The following SFXN5 variants were observed in gnomAD, a reference collection of about 807,000 sequenced individuals.
SFXN5 encodes sideroflexin-5.
A neutral mutation model predicts 50.2 loss-of-function variants in SFXN5; 43 were observed. The observed-to-expected ratio is 0.86, with a 90% CI of 0.67 to 1.11. The LOEUF (loss-of-function observed/expected upper bound fraction) is 1.11. Ranked by LOEUF, SFXN5 falls within the 50% of genes least tolerant of loss-of-function variation. SFXN5 has a pLI of 0.00. For missense variants in SFXN5, 463 were observed against 454.1 expected, an observed-to-expected ratio of 1.02 and a Z score of -0.18; for synonymous variants, 203 against 185.8, an observed-to-expected ratio of 1.09 and a Z score of -0.75.
At chr2:72,986,482 C>T (rs1414870479) in intron 10 of SFXN5, among the ~76,000 whole-genome samples, 2 of 152,102 alleles carry the variant, frequency 1.3e-5, no homozygotes, top group Non-Finnish European at 2.9e-5. Context: ...GACCATGAGC[C>T]TGGGTCTGAC....
chr2:73,059,161 C>A (rs1682539815), intron 1 of SFXN5: 1 of 985,142 alleles, frequency 1.0e-6, no homozygotes, highest in Non-Finnish European at 1.2e-6. Context: ...GCAGCTCCCC[C>A]AACCTTGCCC....
rs1332214403 is a variant in SFXN5, at chr2:72,961,407, G to A, written c.828-159C>T. On this transcript the variant is annotated intron_variant, in intron 12 of 13. Transcript: ENST00000272433. This position sits in a 1 kb window ranked among gnomAD's most constrained non-coding sequence, Gnocchi z 4.4. ...ACAGATATAGCAGAGTTCTGTCTTT[G>A]GGACCTTTTCCCGATAGGTACCCCT... Among the ~76,000 whole-genome samples the A allele has an allele frequency of 2.6e-5, 4 of 152,190 alleles. No homozygotes were observed. Among genetic ancestry groups the A allele is most frequent in the Non-Finnish European group, 5.9e-5 (4 of 68,034 alleles).
In SFXN5 at chr2:72,961,541, C is replaced by T. The variant is rs1287504968; in HGVS notation, c.828-293G>A. ...ACTTTCGGGGCACCCACCCGCCACGCGTCCAGCCCCGTGCCAAGAAGGCCC... is the reference window on the plus strand; with the variant it reads ...ACTTTCGGGGCACCCACCCGCCACGTGTCCAGCCCCGTGCCAAGAAGGCCC... On this transcript the variant is annotated intron_variant, in intron 12 of 13. Coordinates refer to ENST00000272433, the MANE Select transcript of SFXN5 (RefSeq NM_144579.3). This position sits in a 1 kb window ranked among gnomAD's most constrained non-coding sequence, Gnocchi z 4.4. 2.0e-5 allele frequency among the ~76,000 whole-genome samples: 3 copies of T among 152,196 alleles called. No individual in the cohort carries two copies. Among genetic ancestry groups the T allele is most frequent in the Non-Finnish European group, 4.4e-5 (3 of 68,042 alleles).
rs116401928 is a variant in SFXN5 at position 72,966,650 on chromosome 2, C to T, written c.827+1798G>A. Among the ~76,000 whole-genome samples the T allele has an allele frequency of 2.8e-3, 423 of 152,298 alleles. 1 individual carries two copies. Among genetic ancestry groups the T allele is most frequent in the African/African-American group, 8.8e-3 (364 of 41,562 alleles). On this transcript the variant is annotated intron_variant, in intron 12 of 13. Transcript: ENST00000272433. ...ACCCCTCATCAGCTGGACCCATGAG[C>T]GCACTTCACTTTGACCAGGCTGGAC...
intron 1 of SFXN5, among the ~76,000 whole-genome samples, chr2:73,063,129 G>C (rs13403781): frequency 0.27 from 41,315 of 152,056 alleles, 7,094 homozygotes; most frequent in East Asian, 0.55. Flanking sequence ...TGATTAAGTG[G>C]AAAGAAGATA....
At chr2:72,946,350 C>T (rs1182146034) in intron 13 of SFXN5, among the ~76,000 whole-genome samples, 1 of 152,160 alleles carries the variant, frequency 6.6e-6, no homozygotes, top group Non-Finnish European at 1.5e-5. Context: ...CTTTTCAACC[C>T]ACAGTAAATC....
intron 3 of SFXN5, among the ~76,000 whole-genome samples, chr2:73,039,380 G>A (rs908110032): frequency 1.3e-5 from 2 of 152,304 alleles, no homozygotes; most frequent in South Asian, 4.1e-4. Flanking sequence ...AAAAATCTGA[G>A]GTGGTTATTA....
intron 3 of SFXN5, among the ~76,000 whole-genome samples, chr2:73,027,670 T>C (rs566593038): frequency 1.3e-5 from 2 of 152,280 alleles, no homozygotes; most frequent in Admixed American, 6.5e-5. Context: ...TCTTTTTTTT[T>C]TCTTTTTTTA....
chr2:73,070,215 T>C (rs545910602), intron 1 of SFXN5, among the ~76,000 whole-genome samples: 6 of 152,224 alleles, frequency 3.9e-5, no homozygotes, highest in African/African-American at 1.4e-4. Context: ...ACCCCGACAC[T>C]CTCGCCCTAG....
chr2:73,052,672 A>G lies in SFXN5; in HGVS notation c.171+5856T>C, dbSNP rs191205864. ...ATTTCCTTAAGTAATTACTGAATTCAGGATAGCAAATGCCTTCCATCTTCG... is the reference window on the plus strand; with the variant it reads ...ATTTCCTTAAGTAATTACTGAATTCGGGATAGCAAATGCCTTCCATCTTCG... On this transcript the variant is annotated intron_variant, in intron 2 of 13. Coordinates refer to ENST00000272433, the MANE Select transcript of SFXN5 (RefSeq NM_144579.3). Among the ~76,000 whole-genome samples, 107 of 152,322 alleles carry G rather than the reference A, an allele frequency of 7.0e-4. 1 individual carries two copies. The highest frequency in any genetic ancestry group is 2.5e-3 in the African/African-American group (104 of 41,558).
intron 2 of SFXN5, among the ~76,000 whole-genome samples, chr2:73,051,257 C>CTTTT (rs35074891): frequency 0.093 from 10,639 of 114,648 alleles, 1,038 homozygotes; most frequent in African/African-American, 0.17. Context: ...TTTTCCAGCA[C>CTTTT]TTTTTTTTTT....
intron 9 of SFXN5, among the ~76,000 whole-genome samples, chr2:72,994,442 AC>A (rs1559132426): frequency 6.6e-6 from 1 of 151,952 alleles, no homozygotes; most frequent in African/African-American, 2.4e-5. Flanking sequence ...CACAGAAGGG[AC>A]CCCCCAGGGC....
chr2:72,964,329 C>T (rs1389389747), intron 12 of SFXN5, among the ~76,000 whole-genome samples: 4 of 152,266 alleles, frequency 2.6e-5, no homozygotes, highest in Non-Finnish European at 5.9e-5. Flanking sequence ...TGTCAGCCTC[C>T]TCAGCGGAAG....
At chr2:72,991,081 TC>T (rs1424676802) in intron 9 of SFXN5, among the ~76,000 whole-genome samples, 2 of 152,222 alleles carry the variant, frequency 1.3e-5, no homozygotes, top group East Asian at 3.9e-4. Flanking sequence ...CTGGGACCCT[TC>T]CCCATGACAG....
At chr2:72,947,367 A>T (rs1388866727) in intron 13 of SFXN5, among the ~76,000 whole-genome samples, 1 of 152,236 alleles carries the variant, frequency 6.6e-6, no homozygotes, top group Non-Finnish European at 1.5e-5. Flanking sequence ...ATCTCCAGGG[A>T]CTGAGCCCGT....
intron 1 of SFXN5, among the ~76,000 whole-genome samples, chr2:73,060,567 G>A (rs1682683533): frequency 6.6e-6 from 1 of 152,106 alleles, no homozygotes; most frequent in Non-Finnish European, 1.5e-5. Flanking sequence ...GTAGAGGGGG[G>A]AATGCTCTCA....
chr2:73,005,791 A>C (rs966741712), intron 6 of SFXN5, among the ~76,000 whole-genome samples: 14 of 152,162 alleles, frequency 9.2e-5, no homozygotes, highest in African/African-American at 2.4e-5. Flanking sequence ...GGCATTCAGC[A>C]CAAAGCTGGG....
intron 3 of SFXN5, among the ~76,000 whole-genome samples, chr2:73,033,341 G>T (rs933167980): frequency 6.6e-6 from 1 of 152,124 alleles, no homozygotes; most frequent in Non-Finnish European, 1.5e-5. Context: ...ACAGACAAAC[G>T]ATAAGCAACA....
intron 3 of SFXN5, among the ~76,000 whole-genome samples, chr2:73,038,611 A>T (rs1679250601): frequency 6.6e-6 from 1 of 152,238 alleles, no homozygotes; most frequent in African/African-American, 2.4e-5. Context: ...CCTGGGTGAC[A>T]GAGCAAGACC....
Sources: gnomAD v4.1 joint callset for allele counts (sites outside exome capture counted in the v4.1 genomes callset) on GRCh38, gnomAD v4.1.1 for gene constraint, Gnocchi (gnomAD v3.1) non-coding constraint, MANE v1.5 for transcripts, NCBI Gene and HGNC (gene_info 2026-07-23, HGNC 2026-07-21) for gene names.